The following PRKCA variants were observed in gnomAD, a reference collection of about 807,000 sequenced individuals.
The protein encoded by PRKCA is protein kinase C alpha.
PRKCA carries 27 observed loss-of-function variants against 87.0 expected under a neutral mutation model. The observed-to-expected ratio is 0.31, with a 90% CI of 0.23 to 0.43. PRKCA has a LOEUF of 0.43. Ranked by LOEUF, PRKCA falls within the 20% of genes least tolerant of loss-of-function variation. The probability of loss-of-function intolerance (pLI) is 1.00; values close to 1 mark genes in which losing one functional copy is unlikely to be tolerated. For synonymous variants in PRKCA, 329 were observed against 311.1 expected (o/e 1.06, Z -0.61); for missense variants, 518 against 852.3 (o/e 0.61, Z 4.88).
intron 13 of PRKCA, among the ~76,000 whole-genome samples, chr17:66,743,987 G>A (rs1974215294): frequency 6.6e-6 from 1 of 152,040 alleles, no homozygotes; most frequent in Admixed American, 6.6e-5. Flanking sequence ...TATCCTCCTT[G>A]TAGAATTGCT....
chr17:66,430,149 C>T (rs1036867517), intron 2 of PRKCA, among the ~76,000 whole-genome samples: 2 of 152,106 alleles, frequency 1.3e-5, no homozygotes, highest in Non-Finnish European at 2.9e-5. Flanking sequence ...TGGCCCTCAT[C>T]CTCCTTTTCC....
intron 2 of PRKCA, among the ~76,000 whole-genome samples, chr17:66,310,955 C>T (rs1219123125): frequency 6.6e-6 from 1 of 152,190 alleles, no homozygotes; most frequent in Non-Finnish European, 1.5e-5. Context: ...CTATGGCCAA[C>T]TTGAGCAGAG....
In PRKCA at chr17:66,738,817, C is replaced by T. The variant is rs1482708616; in HGVS notation, c.1284C>T (p.His428=). 1.2e-6 allele frequency: 2 copies of T among 1,613,638 alleles called. No homozygotes were observed. The highest frequency in any genetic ancestry group is 1.3e-5 in the African/African-American group (1 of 74,896). ...EYVNGGDLMY[H]IQQVGKFKEP... ...TCAACGGTGGGGACCTCATGTACCA[C>T]ATTCAGCAAGTAGGAAAATTTAAGG... The change falls in exon 11 of 17, where the codon CAC becomes CAT. Residue 428 remains histidine, a synonymous_variant. Transcript: ENST00000413366.
rs928773390 is a variant in PRKCA at position 66,803,549 on chromosome 17, T to A, written c.1855-324T>A. On this transcript the variant is annotated intron_variant, in intron 16 of 16. Coordinates refer to ENST00000413366, the MANE Select transcript of PRKCA (RefSeq NM_002737.3). The surrounding 1 kb of genome is among the most constrained non-coding windows in gnomAD (Gnocchi z 4.4). ...TGACTGACGGCCCTGCGTGCGTGGCTTCCGTGCTCTCAGCTCCGCTTGCTC... is the reference window on the plus strand; with the variant it reads ...TGACTGACGGCCCTGCGTGCGTGGCATCCGTGCTCTCAGCTCCGCTTGCTC... Among the ~76,000 whole-genome samples the A allele has an allele frequency of 1.3e-5, 2 of 152,214 alleles. No homozygotes were observed. Among genetic ancestry groups the A allele is most frequent in the Non-Finnish European group, 2.9e-5 (2 of 68,028 alleles).
intron 2 of PRKCA, among the ~76,000 whole-genome samples, chr17:66,423,462 C>T (rs563177620): frequency 6.6e-6 from 1 of 152,262 alleles, no homozygotes; most frequent in South Asian, 2.1e-4. Flanking sequence ...GATTTACTAA[C>T]AATAGTTTGG....
At chr17:66,520,200 C>T (rs887161317) in intron 3 of PRKCA, among the ~76,000 whole-genome samples, 25 of 150,418 alleles carry the variant, frequency 1.7e-4, no homozygotes, top group Admixed American at 4.0e-4. Flanking sequence ...GATCTCAGCT[C>T]GCCGCAACCT....
At chr17:66,426,607 C>T (rs543143633) in intron 2 of PRKCA, among the ~76,000 whole-genome samples, 1 of 152,302 alleles carries the variant, frequency 6.6e-6, no homozygotes, top group Non-Finnish European at 1.5e-5. Context: ...ATTCCTCTTC[C>T]TGTGCTGCAA....
intron 2 of PRKCA, among the ~76,000 whole-genome samples, chr17:66,344,335 A>G (rs1345360027): frequency 1.3e-5 from 2 of 151,982 alleles, no homozygotes; most frequent in African/African-American, 4.8e-5. Flanking sequence ...TGTTTTTTTG[A>G]CTATGCTGTT....
At chr17:66,456,149 T>G (rs1007635221) in intron 2 of PRKCA, among the ~76,000 whole-genome samples, 1 of 151,882 alleles carries the variant, frequency 6.6e-6, no homozygotes, top group Non-Finnish European at 1.5e-5. Context: ...GAGTGAAAGA[T>G]GAGGAACAGA....
At position 66,805,332 on chromosome 17, in the gene PRKCA, TATA is replaced by T. The variant is rs1386848872; in HGVS notation, c.*1298_*1300del. 2 of 164,290 alleles carry T rather than the reference TATA, an allele frequency of 1.2e-5. No homozygotes were observed. The highest frequency in any genetic ancestry group is 2.4e-5 in the African/African-American group (1 of 41,646). The allele number at this position is 164,290 out of a possible 1,614,324, so 10.2% of individuals were successfully genotyped here. A position where few individuals can be genotyped will look rare whatever the true frequency, so the allele number is the denominator to read the frequency against. ...ATAACAAGTGAATCTATATTATTGATATAATCGTATCAAGTATAAAGAGAGTAT... is the reference window on the plus strand; with the variant it reads ...ATAACAAGTGAATCTATATTATTGATATCGTATCAAGTATAAAGAGAGTAT... On this transcript the variant is annotated 3_prime_UTR_variant, in exon 17 of 17. Coordinates refer to ENST00000413366, the MANE Select transcript of PRKCA (RefSeq NM_002737.3).
chr17:66,716,795 C>A (rs757570684), intron 8 of PRKCA, among the ~76,000 whole-genome samples: 2 of 152,226 alleles, frequency 1.3e-5, no homozygotes, highest in African/African-American at 2.4e-5. Flanking sequence ...CGTCAGGGTC[C>A]CACGTTTCTC....
chr17:66,508,364 C>T (rs1007371890), intron 3 of PRKCA, among the ~76,000 whole-genome samples: 11 of 152,326 alleles, frequency 7.2e-5, no homozygotes, highest in Admixed American at 2.0e-4. Context: ...GTCATGGCCA[C>T]GAAGATAACA....
chr17:66,376,970 CTCAGAGCTTGAGT>C (rs1909456572), intron 2 of PRKCA, among the ~76,000 whole-genome samples: 1 of 152,122 alleles, frequency 6.6e-6, no homozygotes, highest in South Asian at 2.1e-4. Flanking sequence ...ACCAAACCAC[CTCAGAGCTTGAGT>C]TCAGTCCCCT....
In PRKCA at chr17:66,631,305, C is replaced by T. The variant is rs1484164262; in HGVS notation, c.289-10050C>T. On this transcript the variant is annotated intron_variant, in intron 3 of 16. Transcript: ENST00000413366. ...TGTACGGTAAATAATTTTTTTTAGG[C>T]AAAATGAAGAAATTGATAGGTACCT... Among the ~76,000 whole-genome samples the T allele has an allele frequency of 3.9e-5, 6 of 151,976 alleles. 1 individual carries two copies. The highest frequency in any genetic ancestry group is 1.5e-4 in the African/African-American group (6 of 41,376).
intron 2 of PRKCA, among the ~76,000 whole-genome samples, chr17:66,366,890 AT>A (rs1332224311): frequency 1.3e-5 from 2 of 152,200 alleles, no homozygotes; most frequent in Non-Finnish European, 2.9e-5. Flanking sequence ...TAGTGAGCAA[AT>A]TTTAAATTAA....
At chr17:66,713,378 C>A (rs1374301461) in intron 8 of PRKCA, among the ~76,000 whole-genome samples, 3 of 152,064 alleles carry the variant, frequency 2.0e-5, no homozygotes, top group Non-Finnish European at 4.4e-5. Flanking sequence ...CACTCCCGGG[C>A]CCCAGTTGGG....
chr17:66,725,244 G>A (rs900855123), intron 8 of PRKCA, among the ~76,000 whole-genome samples: 1 of 152,106 alleles, frequency 6.6e-6, no homozygotes, highest in African/African-American at 2.4e-5. Context: ...TGGAGTTCTG[G>A]GCTGCTTGTC....
intron 2 of PRKCA, among the ~76,000 whole-genome samples, chr17:66,426,337 A>G (rs1912805032): frequency 6.6e-6 from 1 of 152,150 alleles, no homozygotes; most frequent in Non-Finnish European, 1.5e-5. Flanking sequence ...TAAGTTTTTG[A>G]GGAGAAACAC....
At chr17:66,435,853 G>A (rs531358567) in intron 2 of PRKCA, among the ~76,000 whole-genome samples, 1 of 152,238 alleles carries the variant, frequency 6.6e-6, no homozygotes, top group Non-Finnish European at 1.5e-5. Context: ...TGCAGGCATA[G>A]CGCTAAGAAT....
Sources: gnomAD v4.1 joint callset for allele counts (sites outside exome capture counted in the v4.1 genomes callset) on GRCh38, gnomAD v4.1.1 for gene constraint, Gnocchi (gnomAD v3.1) non-coding constraint, MANE v1.5 for transcripts, NCBI Gene and HGNC (gene_info 2026-07-23, HGNC 2026-07-21) for gene names.